PLS1: variants seen among roughly 807,000 people sequenced by gnomAD.
PLS1 encodes the protein plastin-1.
In PLS1, 32 loss-of-function variants were observed where a neutral mutation model predicts 73.7. That is an observed-to-expected ratio of 0.43 (90% CI 0.33 to 0.58). The LOEUF (loss-of-function observed/expected upper bound fraction) is 0.58. Among genes scored for constraint, PLS1 ranks in the 20% least tolerant of loss-of-function variants. The probability of loss-of-function intolerance (pLI) is 0.04; values close to 1 mark genes in which losing one functional copy is unlikely to be tolerated. For missense variants in PLS1, 633 were observed against 740.5 expected (o/e 0.85, Z 1.68); for synonymous variants, 217 against 261.3 (o/e 0.83, Z 1.63).
chr3:142,617,291 T>C (rs2036233225), intron 1 of PLS1, among the ~76,000 whole-genome samples: 1 of 152,172 alleles, frequency 6.6e-6, no homozygotes, highest in African/African-American at 2.4e-5. Flanking sequence ...TGGAAGCTTG[T>C]TTCCATTAAA....
Position 142,711,502 on chromosome 3 carries a change from A to AT in PLS1, c.1632dup (p.Lys545Ter). The stretch of plus-strand genomic sequence containing the variant: ...GTTCATCTATGCTTTATTTTCTAGG[A>AT]TAAATCTATAAGCACAAGTTTACCT... On this transcript the variant is annotated frameshift_variant and splice_region_variant, in exon 15 of 16. Transcript: ENST00000457734. LOFTEE classifies it high-confidence loss of function. 1 of 1,576,700 alleles carries AT rather than the reference A, an allele frequency of 6.3e-7. No homozygotes were observed. Among genetic ancestry groups the AT allele is most frequent in the Non-Finnish European group, 8.7e-7 (1 of 1,149,580 alleles).
chr3:142,625,941 T>A (rs1455509587), intron 1 of PLS1, among the ~76,000 whole-genome samples: 1 of 152,174 alleles, frequency 6.6e-6, no homozygotes, highest in Admixed American at 6.5e-5. Flanking sequence ...GCCACTGCAC[T>A]CCAGCCTGGA....
chr3:142,680,485 T>C (rs968668937), intron 6 of PLS1, among the ~76,000 whole-genome samples: 2 of 152,236 alleles, frequency 1.3e-5, no homozygotes, highest in Non-Finnish European at 2.9e-5. Flanking sequence ...ATTGTAATTG[T>C]TGAATTATTT....
intron 1 of PLS1, among the ~76,000 whole-genome samples, chr3:142,633,783 TAC>T (rs1454967171): frequency 6.6e-6 from 1 of 152,204 alleles, no homozygotes; most frequent in Non-Finnish European, 1.5e-5. Context: ...AAGTAAACTT[TAC>T]AGTGTCTTTC....
intron 2 of PLS1, among the ~76,000 whole-genome samples, chr3:142,667,983 T>C (rs936913715): frequency 6.6e-6 from 1 of 152,224 alleles, no homozygotes; most frequent in African/African-American, 2.4e-5. Context: ...TTCTGAACAG[T>C]ATTAATTCTA....
intron 1 of PLS1, among the ~76,000 whole-genome samples, chr3:142,646,007 A>G (rs2036945681): frequency 6.6e-6 from 1 of 152,148 alleles, no homozygotes; most frequent in Non-Finnish European, 1.5e-5. Flanking sequence ...GACCACCAAT[A>G]TGAAGGTATT....
chr3:142,701,352 T>C (rs2038327952), intron 12 of PLS1, among the ~76,000 whole-genome samples: 1 of 152,254 alleles, frequency 6.6e-6, no homozygotes, highest in Non-Finnish European at 1.5e-5. Flanking sequence ...ATTGGAATAT[T>C]TGCAGTATAC....
chr3:142,601,115 C>T (rs2035920261), intron 1 of PLS1, among the ~76,000 whole-genome samples: 4 of 148,482 alleles, frequency 2.7e-5, no homozygotes, highest in South Asian at 2.1e-4. Flanking sequence ...TTAGTAGAGA[C>T]GGGGTTTCAC....
intron 10 of PLS1, among the ~76,000 whole-genome samples, chr3:142,690,295 A>G (rs2038060738): frequency 6.6e-6 from 1 of 152,168 alleles, no homozygotes; most frequent in Non-Finnish European, 1.5e-5. Flanking sequence ...TGCTTCATGA[A>G]ATGCAGATTT....
chr3:142,657,756 G>A (rs1028702123), intron 1 of PLS1, among the ~76,000 whole-genome samples: 3 of 152,266 alleles, frequency 2.0e-5, no homozygotes, highest in African/African-American at 7.2e-5. Flanking sequence ...CCAAAGTGCT[G>A]GGATTTCAGG....
chr3:142,627,230 G>C (rs1394961528), intron 1 of PLS1, among the ~76,000 whole-genome samples: 1 of 151,988 alleles, frequency 6.6e-6, no homozygotes. Context: ...CTTTTTAGGT[G>C]TTTGGGAAGG....
chr3:142,598,483 A>G (rs771020564), intron 1 of PLS1, among the ~76,000 whole-genome samples: 2 of 152,180 alleles, frequency 1.3e-5, no homozygotes, highest in African/African-American at 2.4e-5. Flanking sequence ...CAGATTAGTT[A>G]GGGGGATTAC....
At chr3:142,673,955 T>C (rs2037665919) in intron 4 of PLS1, 1 of 152,200 alleles carries the variant, frequency 6.6e-6, no homozygotes, top group African/African-American at 2.4e-5. Context: ...ATCCTAGTGG[T>C]TGTGATGTGG....
chr3:142,712,188 C>T lies in PLS1; in HGVS notation c.*181C>T. The T allele has an allele frequency of 2.0e-6, 1 of 501,188 alleles. No individual in the cohort carries two copies. The highest frequency in any genetic ancestry group is 3.5e-5 in the Admixed American group (1 of 28,816). The allele number at this position is 501,188 out of a possible 1,614,324, so 31.0% of individuals were successfully genotyped here. On this transcript the variant is annotated 3_prime_UTR_variant, in exon 16 of 16. Coordinates refer to ENST00000457734, the MANE Select transcript of PLS1 (RefSeq NM_001145319.2). ...AGCTGGTCAGCCTTTTTGGGTAACACAGTTAATTTACCAACTGATACAGAT... is the reference window on the plus strand; with the variant it reads ...AGCTGGTCAGCCTTTTTGGGTAACATAGTTAATTTACCAACTGATACAGAT...
rs548728182 is a variant in PLS1, at chr3:142,636,119, T to C, written c.-36-28083T>C. ...GTTGCCCAAGTTGGTCCCAAACTCC[T>C]GGCCTCAAGCTGTCCTCCCACTTCA... is the stretch of plus-strand genomic sequence containing the variant. On this transcript the variant is annotated intron_variant, in intron 1 of 15. Coordinates refer to ENST00000457734, the MANE Select transcript of PLS1 (RefSeq NM_001145319.2). 3.9e-5 allele frequency among the ~76,000 whole-genome samples: 6 copies of C among 152,196 alleles called. No homozygotes were observed. The South Asian group carries it at 1.2e-3, about 32-fold the overall frequency.
intron 4 of PLS1, chr3:142,673,462 T>A (rs746344240): frequency 6.6e-6 from 1 of 152,328 alleles, no homozygotes; most frequent in South Asian, 2.1e-4. Context: ...ATATGAACAC[T>A]CATGAATGCA....
At chr3:142,665,084 A>C (rs2107829480) in intron 2 of PLS1, among the ~76,000 whole-genome samples, 1 of 151,892 alleles carries the variant, frequency 6.6e-6, no homozygotes, top group South Asian at 2.1e-4. Flanking sequence ...TTTGCCCCTT[A>C]CTCATCAAGC....
chr3:142,705,688 CTCTT>C (rs566886530), intron 14 of PLS1, among the ~76,000 whole-genome samples: 66 of 152,196 alleles, frequency 4.3e-4, no homozygotes, highest in Non-Finnish European at 8.5e-4. Context: ...TTTTATTTCT[CTCTT>C]TGCCTTCGCT....
At chr3:142,629,414 G>A (rs1374670793) in intron 1 of PLS1, among the ~76,000 whole-genome samples, 1 of 152,140 alleles carries the variant, frequency 6.6e-6, no homozygotes, top group Non-Finnish European at 1.5e-5. Flanking sequence ...TGTTGGCCAG[G>A]CTGGTCTCGA....
Sources: gnomAD v4.1 joint callset for allele counts (sites outside exome capture counted in the v4.1 genomes callset) on GRCh38, gnomAD v4.1.1 for gene constraint, MANE v1.5 for transcripts, NCBI Gene and HGNC (gene_info 2026-07-23, HGNC 2026-07-21) for gene names.